Variants in FMN2 observed in about 807,000 individuals in gnomAD.
FMN2 encodes formin-2.
A neutral mutation model predicts 142.3 loss-of-function variants in FMN2; 51 were observed. That is an observed-to-expected ratio of 0.36 (90% confidence interval 0.29 to 0.45). The LOEUF is 0.45. FMN2 is among the 20% of genes least tolerant of loss of function. The probability of loss-of-function intolerance (pLI) is 1.00; values close to 1 mark genes in which losing one functional copy is unlikely to be tolerated. For missense variants in FMN2, 1,936 were observed against 2,122.8 expected (o/e 0.91, Z 1.73); for synonymous variants, 882 against 869.8 (o/e 1.01, Z -0.25).
At chr1:240,279,733 C>G (rs1009250383) in intron 7 of FMN2, among the ~76,000 whole-genome samples, 1 of 151,860 alleles carries the variant, frequency 6.6e-6, no homozygotes, top group African/African-American at 2.4e-5. Flanking sequence ...TAACTAATTC[C>G]TCATTCTTCT....
chr1:240,092,771 A>T lies in FMN2; in HGVS notation c.662A>T (p.Gln221Leu). Reference protein sequence around the residue: ...QQLQLQLQQQQQQQQLQGAEE... With the variant: ...QQLQLQLQQQLQQQQLQGAEE... The stretch of plus-strand genomic sequence containing the variant: ...CTCCAGCTCCAGCTCCAGCAACAGC[A>T]GCAGCAGCAGCAGCTCCAGGGCGCC... The change falls in exon 1 of 18, where the codon CAG (glutamine) becomes CTG (leucine). Residue 221 changes from glutamine (Q) to leucine (L), a missense_variant. This residue lies in a region of FMN2 where 751 missense variants were observed against 791.8 expected (regional missense o/e 0.95). Coordinates refer to ENST00000319653, the MANE Select transcript of FMN2 (RefSeq NM_020066.5). 6.2e-7 allele frequency: 1 copy of T among 1,606,678 alleles called. No homozygotes were observed. Among genetic ancestry groups the T allele is most frequent in the Non-Finnish European group, 8.5e-7 (1 of 1,176,960 alleles).
chr1:240,470,457 C>T (rs16840162), intron 16 of FMN2, among the ~76,000 whole-genome samples: 10,665 of 152,134 alleles, frequency 0.07, 559 homozygotes, highest in African/African-American at 0.14. Context: ...ACAATATCAA[C>T]CAGGCAGGCA....
chr1:240,356,669 G>A (rs533281015), intron 14 of FMN2, among the ~76,000 whole-genome samples: 1 of 152,114 alleles, frequency 6.6e-6, no homozygotes, highest in Non-Finnish European at 1.5e-5. Context: ...ATCATGCCAT[G>A]CTCTGGGAAA....
At position 240,092,640 on chromosome 1, in the gene FMN2, G is replaced by A. The variant is rs148480631; in HGVS notation, c.531G>A (p.Ser177=). The A allele has an allele frequency of 6.3e-4, 1,018 of 1,614,104 alleles. 5 individuals are homozygous for A. In the African/African-American group the frequency reaches 9.8e-3, roughly 16 times the overall value. Residue 177 remains serine, a synonymous_variant, in exon 1 of 18, where the codon TCG becomes TCA. Transcript: ENST00000319653. ...AGAQDGQRTS[S]GSDTDIYSFH... ...CGCAGGATGGACAAAGGACCAGCTC[G>A]GGCTCGGACACGGACATCTATAGCT...
At chr1:240,464,057 T>G (rs1414656) in intron 16 of FMN2, among the ~76,000 whole-genome samples, 140,713 of 152,222 alleles carry the variant, frequency 0.92, 65,183 homozygotes, top group East Asian at 1. Context: ...TCAGAATTGT[T>G]AGCATGGTGA....
intron 15 of FMN2, among the ~76,000 whole-genome samples, chr1:240,431,257 A>G (rs1408289306): frequency 1.3e-5 from 2 of 151,766 alleles, no homozygotes; most frequent in African/African-American, 4.8e-5. Flanking sequence ...ATAAAAATAC[A>G]ATTGATTTTT....
intron 5 of FMN2, among the ~76,000 whole-genome samples, chr1:240,209,464 A>G (rs1389882271): frequency 4.7e-5 from 7 of 149,516 alleles, no homozygotes; most frequent in Non-Finnish European, 8.9e-5. Flanking sequence ...CGTGTTAGCC[A>G]GGATGGTTTC....
rs1663877084 is a variant in FMN2, at chr1:240,153,530, A to T, written c.1783-24391A>T. On this transcript the variant is annotated intron_variant, in intron 2 of 17. Transcript: ENST00000319653. ...GCATGCCACCATGCTTGGCAAATTT[A>T]TTTATTTATTTTTTTGTAGAGACGA... Among the ~76,000 whole-genome samples, 2 of 150,892 alleles carry T rather than the reference A, an allele frequency of 1.3e-5. 1 individual carries two copies. The highest frequency in any genetic ancestry group is 1.3e-4 in the Admixed American group (2 of 15,032).
intron 16 of FMN2, among the ~76,000 whole-genome samples, chr1:240,440,007 A>C (rs1675554151): frequency 6.6e-6 from 1 of 152,188 alleles, no homozygotes; most frequent in African/African-American, 2.4e-5. Flanking sequence ...TATTTTCATC[A>C]TGTCTAGGAT....
chr1:240,122,077 T>TTAA (rs760888544), intron 1 of FMN2, among the ~76,000 whole-genome samples: 3 of 144,794 alleles, frequency 2.1e-5, no homozygotes, highest in Non-Finnish European at 4.6e-5. Flanking sequence ...AATTAATTAA[T>TTAA]TTATTTATTT....
intron 7 of FMN2, among the ~76,000 whole-genome samples, chr1:240,284,624 G>GT (rs1292134108): frequency 2.9e-4 from 44 of 152,184 alleles, no homozygotes; most frequent in African/African-American, 1.0e-3. Context: ...ACTTAGCTAG[G>GT]TAAGAAGAGG....
intron 16 of FMN2, among the ~76,000 whole-genome samples, chr1:240,455,363 A>C (rs1676204961): frequency 6.6e-6 from 1 of 152,142 alleles, no homozygotes; most frequent in African/African-American, 2.4e-5. Context: ...AAAATAAAAT[A>C]AAAAGTTAGC....
chr1:240,350,904 C>T (rs1039512569), intron 13 of FMN2, among the ~76,000 whole-genome samples: 1 of 152,188 alleles, frequency 6.6e-6, no homozygotes, highest in East Asian at 1.9e-4. Flanking sequence ...ATAAGCAAGA[C>T]ATTTTGCAGA....
intron 2 of FMN2, chr1:240,143,878 C>T: frequency 5.0e-6 from 8 of 1,586,170 alleles, no homozygotes; most frequent in Middle Eastern, 1.7e-4. Flanking sequence ...CAGGCAGCAG[C>T]AGTGTTAGGA....
chr1:240,122,079 T>TTA (rs34680769), intron 1 of FMN2, among the ~76,000 whole-genome samples: 9,633 of 123,700 alleles, frequency 0.078, 533 homozygotes, highest in African/African-American at 0.2. Flanking sequence ...TTAATTAATT[T>TTA]ATTTATTTAT....
At chr1:240,302,124 A>C (rs771039561) in intron 8 of FMN2, among the ~76,000 whole-genome samples, 1 of 151,744 alleles carries the variant, frequency 6.6e-6, no homozygotes, top group Non-Finnish European at 1.5e-5. Context: ...TGCTGTCTTT[A>C]TTCTTTTATT....
chr1:240,264,885 T>G (rs183434908), intron 7 of FMN2, among the ~76,000 whole-genome samples: 1 of 152,144 alleles, frequency 6.6e-6, no homozygotes, highest in Non-Finnish European at 1.5e-5. Context: ...CTGATATTAT[T>G]GGTGATAGTT....
rs148174719 is a variant in FMN2, at chr1:240,288,568, G to T, written c.4154-6254G>T. Among the ~76,000 whole-genome samples, 9 of 152,216 alleles carry T rather than the reference G, an allele frequency of 5.9e-5. No individual in the cohort carries two copies. In the East Asian group the frequency reaches 1.7e-3, roughly 30 times the overall value. Reference sequence around the variant, plus strand: ...GGCAGCCCCTCAGATGGTCCCTGGAGATCCCCACCTTCTGAGACTCACGGC... The same window carrying T: ...GGCAGCCCCTCAGATGGTCCCTGGATATCCCCACCTTCTGAGACTCACGGC... On this transcript the variant is annotated intron_variant, in intron 7 of 17. Coordinates refer to ENST00000319653, the MANE Select transcript of FMN2 (RefSeq NM_020066.5).
At chr1:240,330,509 C>T (rs1671339740) in intron 10 of FMN2, 94 bp from the exon 11 acceptor site, 2 of 1,342,554 alleles carry the variant, frequency 1.5e-6, no homozygotes. Context: ...CCCAAAACTC[C>T]TAATATAATA....
Sources: gnomAD v4.1 joint callset for allele counts (sites outside exome capture counted in the v4.1 genomes callset) on GRCh38, gnomAD v4.1.1 for gene constraint, gnomAD v4.1.1 regional missense constraint, MANE v1.5 for transcripts, NCBI Gene and HGNC (gene_info 2026-07-23, HGNC 2026-07-21) for gene names.